HYCC1: variants seen among roughly 807,000 people sequenced by gnomAD.
HYCC1 encodes hyccin.
the HYCC1 span, among the ~76,000 whole-genome samples, chr7:22,996,125 T>G: frequency 0.054 from 8,205 of 151,962 alleles, 249 homozygotes; most frequent in Non-Finnish European, 0.055. Context: ...GAAACCCCTC[T>G]GTACTAAAAA....
At chr7:22,913,063 G>A in the HYCC1 span, among the ~76,000 whole-genome samples, 1 of 151,892 alleles carries the variant, frequency 6.6e-6, no homozygotes, top group Non-Finnish European at 1.5e-5. Context: ...GGCGGAGGTT[G>A]CAGTGAGCTG....
chr7:23,006,306 G>A, the HYCC1 span, among the ~76,000 whole-genome samples: 1 of 151,840 alleles, frequency 6.6e-6, no homozygotes, highest in Admixed American at 6.6e-5. Context: ...TCGCTCTGTG[G>A]CCCAGGCTGG....
At chr7:22,951,748 T>TTGG in the HYCC1 span, among the ~76,000 whole-genome samples, 3 of 151,948 alleles carry the variant, frequency 2.0e-5, no homozygotes, top group African/African-American at 7.2e-5. Flanking sequence ...GATGGAATAT[T>TTGG]AACTCAATGT....
the HYCC1 span, among the ~76,000 whole-genome samples, chr7:22,989,306 ACACACACACACACAC>A: frequency 4.0e-5 from 6 of 151,552 alleles, no homozygotes; most frequent in Non-Finnish European, 7.4e-5. Flanking sequence ...ACACACACAC[ACACACACACACACAC>A]ACAAGATTTA....
the HYCC1 span, among the ~76,000 whole-genome samples, chr7:22,996,716 CA>C: frequency 6.6e-6 from 1 of 150,644 alleles, no homozygotes; most frequent in Non-Finnish European, 1.5e-5. Context: ...AAACTGGCCA[CA>C]AAATGATTTA....
the HYCC1 span, chr7:22,939,245 A>G: frequency 6.6e-6 from 1 of 152,198 alleles, no homozygotes; most frequent in East Asian, 1.9e-4. Context: ...CTAAATTTTC[A>G]GTAGAATACA....
At chr7:22,968,985 C>CA in the HYCC1 span, among the ~76,000 whole-genome samples, 3,122 of 149,324 alleles carry the variant, frequency 0.021, 40 homozygotes, top group Non-Finnish European at 0.027. Context: ...GACTCCATCT[C>CA]AAAAAAAACA....
chr7:22,897,611 T>C, the HYCC1 span, among the ~76,000 whole-genome samples: 6 of 152,182 alleles, frequency 3.9e-5, no homozygotes, highest in South Asian at 2.1e-4. Flanking sequence ...ATAACAGTGT[T>C]AGCATTCTTT....
the HYCC1 span, among the ~76,000 whole-genome samples, chr7:22,954,219 AAATATTTATAAAC>A: frequency 2.0e-5 from 3 of 151,168 alleles, no homozygotes; most frequent in East Asian, 3.9e-4. Context: ...AAATGCTTAA[AAATATTTATAAAC>A]AATTATTATT....
chr7:22,937,777 G>C, the HYCC1 span: 3 of 152,122 alleles, frequency 2.0e-5, no homozygotes, highest in South Asian at 2.1e-4. Context: ...AGAAAGATAA[G>C]TCACAGCACA....
chr7:22,976,110 A>G, the HYCC1 span: 2 of 803,236 alleles, frequency 2.5e-6, no homozygotes, highest in Non-Finnish European at 4.3e-6. Context: ...AATGTTTTAA[A>G]CAAATGATTA....
chr7:22,970,018 TA>T, the HYCC1 span, among the ~76,000 whole-genome samples: 3 of 145,876 alleles, frequency 2.1e-5, no homozygotes, highest in Non-Finnish European at 3.1e-5. Flanking sequence ...ATTATACAAC[TA>T]AAAAAAAATT....
chr7:22,946,060 T>G, the HYCC1 span: 1 of 1,613,770 alleles, frequency 6.2e-7, no homozygotes, highest in Non-Finnish European at 8.5e-7. Flanking sequence ...GACTACTGTT[T>G]GATAAACCCG....
the HYCC1 span, among the ~76,000 whole-genome samples, chr7:22,925,935 A>C: frequency 6.6e-6 from 1 of 152,188 alleles, no homozygotes; most frequent in African/African-American, 2.4e-5. Context: ...CCAGAGAGAA[A>C]GGTCGGGTTA....
chr7:22,914,911 C>G, the HYCC1 span, among the ~76,000 whole-genome samples: 1 of 152,154 alleles, frequency 6.6e-6, no homozygotes. Context: ...GTGACTAGCC[C>G]TCTCCCACCT....
the HYCC1 span, among the ~76,000 whole-genome samples, chr7:22,957,302 G>GA: frequency 1.4e-5 from 2 of 141,994 alleles, no homozygotes; most frequent in African/African-American, 5.1e-5. Flanking sequence ...AAGGGAGATG[G>GA]AAAAAAAAAA....
the HYCC1 span, among the ~76,000 whole-genome samples, chr7:22,954,111 G>C: frequency 1.3e-5 from 2 of 151,288 alleles, no homozygotes; most frequent in African/African-American, 4.8e-5. Flanking sequence ...CTCAACTGAA[G>C]ACTTTTCTCA....
the HYCC1 span, among the ~76,000 whole-genome samples, chr7:23,013,259 G>A: frequency 6.6e-6 from 1 of 152,188 alleles, no homozygotes; most frequent in Non-Finnish European, 1.5e-5. Flanking sequence ...TAGAAAGAAG[G>A]GGCAAGGGCT....
At chr7:22,938,758 A>G in the HYCC1 span, 1 of 152,150 alleles carries the variant, frequency 6.6e-6, no homozygotes, top group African/African-American at 2.4e-5. Context: ...CATTGCTGAC[A>G]GCTACTAGAC....
Sources: gnomAD v4.1 joint callset for allele counts (sites outside exome capture counted in the v4.1 genomes callset) on GRCh38, gnomAD v4.1.1 for gene constraint, MANE v1.5 for transcripts, NCBI Gene and HGNC (gene_info 2026-07-23, HGNC 2026-07-21) for gene names.